Variants in ALK observed in about 807,000 individuals in gnomAD.
ALK encodes ALK tyrosine kinase receptor.
ALK carries 74 observed loss-of-function variants against 163.1 expected under a neutral mutation model. The observed-to-expected ratio is 0.45, with a 90% CI of 0.38 to 0.55. The LOEUF is 0.55. ALK is among the 20% of genes least tolerant of loss of function. The pLI, the probability that ALK is intolerant of heterozygous loss-of-function variation, is 0.00. For missense variants in ALK, 2,063 were observed against 2,105.3 expected (o/e 0.98, Z 0.39); for synonymous variants, 960 against 843.2 (o/e 1.14, Z -2.40).
At chr2:29,887,876 A>T (rs1012963465) in intron 1 of ALK, among the ~76,000 whole-genome samples, 1 of 152,228 alleles carries the variant, frequency 6.6e-6, no homozygotes, top group Non-Finnish European at 1.5e-5. Flanking sequence ...CTGCTATGTT[A>T]AGAGACCTTT....
At position 29,913,644 on chromosome 2, in the gene ALK, T is replaced by C. The variant is rs565359541; in HGVS notation, c.667+6349A>G. ...GTTCATGTGCATCTTTTGGAGGCAA[T>C]GGCTCAGCTATGGTTCATAGAAACC... On this transcript the variant is annotated intron_variant, in intron 1 of 28. Coordinates refer to ENST00000389048, the MANE Select transcript of ALK (RefSeq NM_004304.5). Among the ~76,000 whole-genome samples, 4 of 152,340 alleles carry C rather than the reference T, an allele frequency of 2.6e-5. No homozygotes were observed. The East Asian group carries it at 7.7e-4, about 29-fold the overall frequency.
At chr2:29,344,105 A>G (rs1667879177) in intron 5 of ALK, among the ~76,000 whole-genome samples, 1 of 152,232 alleles carries the variant, frequency 6.6e-6, no homozygotes, top group Middle Eastern at 3.2e-3. Context: ...TATTCAATAA[A>G]TAGTAGACAA....
chr2:29,338,051 A>G (rs998084545), intron 5 of ALK, among the ~76,000 whole-genome samples: 9 of 152,098 alleles, frequency 5.9e-5, no homozygotes. Context: ...CTAACTTCAG[A>G]GACTATCCTA....
chr2:29,709,566 C>T (rs1679012873), intron 2 of ALK, among the ~76,000 whole-genome samples: 1 of 152,174 alleles, frequency 6.6e-6, no homozygotes, highest in Admixed American at 6.5e-5. Context: ...AGTGATAACG[C>T]AGGACCACAA....
At chr2:29,780,942 T>G (rs369947977) in intron 1 of ALK, among the ~76,000 whole-genome samples, 5 of 152,210 alleles carry the variant, frequency 3.3e-5, no homozygotes, top group African/African-American at 9.7e-5. Flanking sequence ...AGGAATGGAT[T>G]AAAATATGCC....
intron 1 of ALK, among the ~76,000 whole-genome samples, chr2:29,884,727 A>G (rs1666947262): frequency 6.6e-6 from 1 of 152,204 alleles, no homozygotes; most frequent in African/African-American, 2.4e-5. Context: ...TAATTTTAAG[A>G]AAAAGTTTGG....
chr2:29,775,556 A>C (rs545699536), intron 1 of ALK, among the ~76,000 whole-genome samples: 5 of 152,158 alleles, frequency 3.3e-5, no homozygotes, highest in African/African-American at 1.2e-4. Context: ...AAAAACAAAA[A>C]CAAAAGCAGA....
At chr2:29,631,671 A>G (rs892230329) in intron 3 of ALK, among the ~76,000 whole-genome samples, 1 of 152,362 alleles carries the variant, frequency 6.6e-6, no homozygotes, top group Admixed American at 6.5e-5. Flanking sequence ...TCATACATCA[A>G]ATGAAAATGA....
intron 19 of ALK, chr2:29,224,653 A>G (rs943323239): frequency 4.5e-6 from 1 of 224,182 alleles, no homozygotes; most frequent in Admixed American, 5.7e-5. Context: ...TATGCAATGG[A>G]CCGACCGTGA....
At chr2:29,393,690 T>C (rs1222855718) in intron 4 of ALK, among the ~76,000 whole-genome samples, 1 of 152,254 alleles carries the variant, frequency 6.6e-6, no homozygotes, top group African/African-American at 2.4e-5. Flanking sequence ...TCCTCTTGCT[T>C]TCCTGTCTTT....
chr2:29,396,601 G>T (rs537691414), intron 4 of ALK, among the ~76,000 whole-genome samples: 2 of 152,194 alleles, frequency 1.3e-5, no homozygotes, highest in South Asian at 4.2e-4. Flanking sequence ...TTGAACCCAG[G>T]AGGCTGAGAG....
chr2:29,622,928 G>A (rs1676076465), intron 3 of ALK, among the ~76,000 whole-genome samples: 1 of 152,172 alleles, frequency 6.6e-6, no homozygotes, highest in Non-Finnish European at 1.5e-5. Flanking sequence ...TTGGTTTCCA[G>A]TTTCTTCCTC....
intron 1 of ALK, among the ~76,000 whole-genome samples, chr2:29,910,124 T>C (rs565872164): frequency 6.6e-6 from 1 of 152,274 alleles, no homozygotes; most frequent in African/African-American, 2.4e-5. Context: ...AAATAGCTGT[T>C]ATACGTGTTC....
rs538943293 is a variant in ALK, at chr2:29,754,691, A to AAATAAT, written c.668-37000_668-36995dup. 7.1e-3 allele frequency among the ~76,000 whole-genome samples: 1,069 copies of AAATAAT among 151,606 alleles called. 16 individuals carry two copies. The highest frequency in any genetic ancestry group is 0.023 in the African/African-American group (948 of 41,292). ...GGTGACAGAGCAAGACCCTGTCTCA[A>AAATAAT]AATAATAATAATAATAATAATAAAG... On this transcript the variant is annotated intron_variant, in intron 1 of 28. Transcript: ENST00000389048.
chr2:29,466,962 T>A (rs759965675), intron 4 of ALK, among the ~76,000 whole-genome samples: 1 of 152,224 alleles, frequency 6.6e-6, no homozygotes, highest in Non-Finnish European at 1.5e-5. Flanking sequence ...TTTTGTGTGA[T>A]GTGTGATCAG....
rs2148143695 is a variant in ALK at position 29,197,682 on chromosome 2, C to T, written c.3939-6G>A. The T allele has an allele frequency of 6.2e-7, 1 of 1,613,286 alleles. No homozygotes were observed. The highest frequency in any genetic ancestry group is 1.1e-5 in the South Asian group (1 of 91,034). On this transcript the variant is annotated splice_region_variant and splice_polypyrimidine_tract_variant and intron_variant, in intron 26 of 28. Coordinates refer to ENST00000389048, the MANE Select transcript of ALK (RefSeq NM_004304.5). ...ATAGCAGCACTCCAAAGGACCTGGG[C>T]ATGGGACAGAGGACATGGAGATGGA...
chr2:29,721,506 T>TCC (rs571060129), intron 1 of ALK, among the ~76,000 whole-genome samples: 69 of 152,300 alleles, frequency 4.5e-4, no homozygotes, highest in African/African-American at 1.5e-3. Flanking sequence ...AGTTCAAACT[T>TCC]CCTCTCAAGT....
At chr2:29,262,145 T>C (rs1332698935) in intron 11 of ALK, among the ~76,000 whole-genome samples, 1 of 152,210 alleles carries the variant, frequency 6.6e-6, no homozygotes, top group African/African-American at 2.4e-5. Flanking sequence ...ACTGTGACTT[T>C]TGTCTCATAA....
At chr2:29,661,944 T>C (rs1406764732) in intron 3 of ALK, among the ~76,000 whole-genome samples, 2 of 152,118 alleles carry the variant, frequency 1.3e-5, no homozygotes, top group Non-Finnish European at 2.9e-5. Context: ...GGAATCTCAC[T>C]CTGTCGCTGG....
Sources: gnomAD v4.1 joint callset for allele counts (sites outside exome capture counted in the v4.1 genomes callset) on GRCh38, gnomAD v4.1.1 for gene constraint, MANE v1.5 for transcripts, NCBI Gene and HGNC (gene_info 2026-07-23, HGNC 2026-07-21) for gene names.